DHRSX: variants seen among roughly 807,000 people sequenced by gnomAD.
DHRSX encodes polyprenol dehydrogenase.
In DHRSX, 31 loss-of-function variants were observed where a neutral mutation model predicts 34.0. The ratio of observed to expected loss-of-function variants is 0.91; its 90% CI spans 0.69 to 1.23. The LOEUF (loss-of-function observed/expected upper bound fraction) is 1.23. Ranked by LOEUF, DHRSX falls within the 50% of genes most tolerant of loss-of-function variation. The pLI, the probability that DHRSX is intolerant of heterozygous loss-of-function variation, is 0.00. For missense variants in DHRSX, 414 were observed against 428.1 expected, an observed-to-expected ratio of 0.97 and a Z score of 0.29; for synonymous variants, 201 against 183.8, an observed-to-expected ratio of 1.09 and a Z score of -0.76.
intron 3 of DHRSX, among the ~76,000 whole-genome samples, chrX:2,345,146 C>G: frequency 6.6e-6 from 1 of 151,864 alleles, no homozygotes; most frequent in East Asian, 1.9e-4. Context: ...TGTGTTCTGT[C>G]TGGGTACTCT....
At chrX:2,390,703 C>T (rs1384011244) in intron 3 of DHRSX, among the ~76,000 whole-genome samples, 2 of 152,212 alleles carry the variant, frequency 1.3e-5, no homozygotes, top group East Asian at 3.8e-4. Context: ...TAAAGGTACT[C>T]TGTGTACCTC....
intron 3 of DHRSX, among the ~76,000 whole-genome samples, chrX:2,306,644 G>C (rs999007378): frequency 6.6e-6 from 1 of 151,974 alleles, no homozygotes; most frequent in Non-Finnish European, 1.5e-5. Flanking sequence ...GTAGAGACAA[G>C]GTTTCGATGA....
intron 1 of DHRSX, among the ~76,000 whole-genome samples, chrX:2,432,264 C>T: frequency 6.6e-6 from 1 of 152,092 alleles, no homozygotes; most frequent in Non-Finnish European, 1.5e-5. Context: ...TAAACTGATA[C>T]AATCCTAAAG....
intron 1 of DHRSX, among the ~76,000 whole-genome samples, chrX:2,439,162 C>T (rs748940976): frequency 7.4e-4 from 111 of 149,058 alleles, no homozygotes; most frequent in Non-Finnish European, 1.4e-3. Flanking sequence ...AAAAAAAAAG[C>T]TTAAAAAATA....
chrX:2,437,288 C>T (rs776403379), intron 1 of DHRSX, among the ~76,000 whole-genome samples: 3 of 151,822 alleles, frequency 2.0e-5, no homozygotes, highest in Admixed American at 6.6e-5. Context: ...TGTGAGCCAC[C>T]ATGCCCGGAC....
chrX:2,443,249 T>C (rs2044085005), intron 1 of DHRSX, among the ~76,000 whole-genome samples: 1 of 151,912 alleles, frequency 6.6e-6, no homozygotes, highest in Non-Finnish European at 1.5e-5. Flanking sequence ...CCCATGCTCC[T>C]CTTAAACTCC....
chrX:2,335,867 AATT>A (rs2042553415), intron 3 of DHRSX, among the ~76,000 whole-genome samples: 1 of 151,986 alleles, frequency 6.6e-6, no homozygotes, highest in South Asian at 2.1e-4. Context: ...AACCTTCTTA[AATT>A]ATTGTTACTG....
chrX:2,293,742 A>T (rs2041895019), intron 3 of DHRSX, among the ~76,000 whole-genome samples: 1 of 152,092 alleles, frequency 6.6e-6, no homozygotes, highest in Non-Finnish European at 1.5e-5. Context: ...CATAGGGGAA[A>T]ATCATTACTG....
intron 4 of DHRSX, among the ~76,000 whole-genome samples, chrX:2,290,257 A>T (rs2041850239): frequency 6.6e-6 from 1 of 152,174 alleles, no homozygotes; most frequent in Non-Finnish European, 1.5e-5. Context: ...AATCCCATTA[A>T]TGTTATACAA....
At chrX:2,426,694 CCTTT>C (rs2043854087) in intron 1 of DHRSX, among the ~76,000 whole-genome samples, 3 of 148,984 alleles carry the variant, frequency 2.0e-5, no homozygotes, top group African/African-American at 5.0e-5. Context: ...CCCTTTCCTT[CCTTT>C]CTCCTTCCAT....
intron 4 of DHRSX, among the ~76,000 whole-genome samples, chrX:2,276,752 G>A (rs1415768242): frequency 6.6e-6 from 1 of 151,300 alleles, no homozygotes; most frequent in Non-Finnish European, 1.5e-5. Flanking sequence ...AGAGAGGAGA[G>A]AGAGAGGGAG....
At chrX:2,445,560 C>T (rs5939357) in intron 1 of DHRSX, among the ~76,000 whole-genome samples, 98,378 of 151,910 alleles carry the variant, frequency 0.65, 32,857 homozygotes, top group East Asian at 0.77. Context: ...CTGCCGTGGG[C>T]ACACTGAAGA....
intron 1 of DHRSX, among the ~76,000 whole-genome samples, chrX:2,447,924 G>A (rs1173685049): frequency 1.3e-5 from 2 of 149,660 alleles, no homozygotes; most frequent in Non-Finnish European, 3.0e-5. Flanking sequence ...GCCAGGAGCG[G>A]TGGCTTATGT....
In DHRSX at chrX:2,381,926, G is replaced by C. The variant is rs966511547; in HGVS notation, c.286+26819C>G. 1.6e-4 allele frequency among the ~76,000 whole-genome samples: 24 copies of C among 152,196 alleles called. 2 individuals are homozygous for C. Among genetic ancestry groups the C allele is most frequent in the Admixed American group, 1.4e-3 (21 of 15,278 alleles). ...CCTAGATGTGCAAATCTGCAGGAGG[G>C]GTAACATGAAACTAAAACATGGCAT... On this transcript the variant is annotated intron_variant, in intron 3 of 6. Transcript: ENST00000334651.
chrX:2,242,276 C>T (rs1319360233), intron 6 of DHRSX, among the ~76,000 whole-genome samples: 3 of 152,132 alleles, frequency 2.0e-5, no homozygotes, highest in Admixed American at 6.6e-5. Context: ...AAACGGTCTC[C>T]AGCTCCTAAG....
chrX:2,439,760 G>C (rs1225223026), intron 1 of DHRSX, among the ~76,000 whole-genome samples: 2 of 152,036 alleles, frequency 1.3e-5, no homozygotes, highest in Admixed American at 1.3e-4. Context: ...TCACAGTAGG[G>C]TTCATGCTCC....
chrX:2,446,387 C>T (rs1375136751), intron 1 of DHRSX, among the ~76,000 whole-genome samples: 12 of 151,050 alleles, frequency 7.9e-5, no homozygotes, highest in African/African-American at 2.4e-4. Flanking sequence ...GCCAAGGGAC[C>T]GCCACCGTGT....
chrX:2,429,070 C>T (rs1417472340), intron 1 of DHRSX, among the ~76,000 whole-genome samples: 1 of 152,052 alleles, frequency 6.6e-6, no homozygotes, highest in African/African-American at 2.4e-5. Context: ...AGAAAATTGC[C>T]GAATAAGTTT....
chrX:2,466,526 C>T (rs1247208030), intron 1 of DHRSX, among the ~76,000 whole-genome samples: 2 of 152,174 alleles, frequency 1.3e-5, no homozygotes, highest in South Asian at 2.1e-4. Flanking sequence ...AGCAAACTCA[C>T]GTAGGAAAAG....
Sources: allele counts gnomAD v4.1 joint callset (sites outside exome capture counted in the v4.1 genomes callset), GRCh38; gene constraint gnomAD v4.1.1; transcripts MANE v1.5; gene names NCBI Gene and HGNC (gene_info 2026-07-23, HGNC 2026-07-21).